The following SDK1 variants were observed in gnomAD, a reference collection of about 807,000 sequenced individuals.
SDK1 encodes sidekick cell adhesion molecule 1, also known as protein sidekick-1.
A neutral mutation model predicts 245.5 loss-of-function variants in SDK1; 157 were observed. That is an observed-to-expected ratio of 0.64 (90% CI 0.56 to 0.73). The LOEUF (loss-of-function observed/expected upper bound fraction) is 0.73, where lower values mean the gene tolerates loss of function less well. Ranked by LOEUF, SDK1 falls within the 30% of genes least tolerant of loss-of-function variation. SDK1 has a pLI of 0.00. For synonymous variants in SDK1, 1,647 were observed against 1,278.5 expected, an observed-to-expected ratio of 1.29 and a Z score of -6.15; for missense variants, 3,583 against 3,002.3, an observed-to-expected ratio of 1.19 and a Z score of -4.52.
chr7:4,194,311 T>C (rs1783425378), intron 35 of SDK1, among the ~76,000 whole-genome samples: 1 of 97,912 alleles, frequency 1.0e-5, no homozygotes, highest in Non-Finnish European at 2.2e-5. Context: ...TATACATGTA[T>C]ACATATATGT....
intron 1 of SDK1, among the ~76,000 whole-genome samples, chr7:3,488,181 G>A (rs892050089): frequency 6.6e-6 from 1 of 151,962 alleles, no homozygotes; most frequent in Non-Finnish European, 1.5e-5. Context: ...TGACTAATTT[G>A]TTTTCTGCCT....
intron 4 of SDK1, among the ~76,000 whole-genome samples, chr7:3,645,564 G>T (rs1247563838): frequency 6.6e-6 from 1 of 152,112 alleles, no homozygotes; most frequent in African/African-American, 2.4e-5. Flanking sequence ...ATGATCACAT[G>T]TACCCTGAAA....
intron 5 of SDK1, among the ~76,000 whole-genome samples, chr7:3,945,598 A>G (rs1780542176): frequency 6.6e-6 from 1 of 152,172 alleles, no homozygotes; most frequent in African/African-American, 2.4e-5. Flanking sequence ...AAGACCAGTT[A>G]GAAGATAAAG....
At chr7:3,479,808 G>T (rs544473214) in intron 1 of SDK1, among the ~76,000 whole-genome samples, 1 of 151,004 alleles carries the variant, frequency 6.6e-6, no homozygotes, top group Admixed American at 6.6e-5. Flanking sequence ...GTTGAAGTGA[G>T]CCAAGATCGT....
At chr7:3,550,491 C>CTGCTCA in intron 1 of SDK1, among the ~76,000 whole-genome samples, 1 of 152,266 alleles carries the variant, frequency 6.6e-6, no homozygotes, top group South Asian at 2.1e-4. Context: ...TCTTCTGGGC[C>CTGCTCA]ACTGCTGGGT....
intron 1 of SDK1, among the ~76,000 whole-genome samples, chr7:3,422,379 C>T (rs777065281): frequency 1.6e-4 from 25 of 152,216 alleles, no homozygotes; most frequent in Non-Finnish European, 2.8e-4. Flanking sequence ...TATATGCAAC[C>T]GATTAACTTG....
intron 1 of SDK1, among the ~76,000 whole-genome samples, chr7:3,566,287 C>T (rs891913080): frequency 4.8e-5 from 7 of 147,344 alleles, no homozygotes; most frequent in Non-Finnish European, 7.4e-5. Flanking sequence ...TGCAGTGGCG[C>T]GATCTTGGCT....
chr7:4,000,584 A>G (rs897275346), intron 14 of SDK1, among the ~76,000 whole-genome samples: 1 of 152,152 alleles, frequency 6.6e-6, no homozygotes, highest in South Asian at 2.1e-4. Context: ...GCCGCTCTCC[A>G]TGAAAGCTGC....
intron 19 of SDK1, among the ~76,000 whole-genome samples, chr7:4,059,955 C>G (rs544004685): frequency 2.0e-5 from 3 of 151,522 alleles, no homozygotes; most frequent in South Asian, 4.2e-4. Flanking sequence ...TCTCGGCTCA[C>G]TGCAAGCTCC....
intron 1 of SDK1, among the ~76,000 whole-genome samples, chr7:3,600,176 G>A (rs1296173088): frequency 1.3e-5 from 2 of 152,084 alleles, no homozygotes; most frequent in African/African-American, 4.8e-5. Flanking sequence ...CATTCTCTTT[G>A]GAGTGATTGT....
Position 3,391,404 on chromosome 7 carries a change from G to A in SDK1, c.298+89520G>A, listed in dbSNP as rs148460510. 3.2e-3 allele frequency among the ~76,000 whole-genome samples: 481 copies of A among 152,180 alleles called. 1 individual carries two copies. Among genetic ancestry groups the A allele is most frequent in the Non-Finnish European group, 5.4e-3 (369 of 68,004 alleles). On this transcript the variant is annotated intron_variant, in intron 1 of 44. Transcript: ENST00000404826. Reference sequence around the variant, plus strand: ...CTTCTAGCATTGCTGGAAGTAAAAGGATGCCTCATCTTAAGGAATAGAGTT... The same window carrying A: ...CTTCTAGCATTGCTGGAAGTAAAAGAATGCCTCATCTTAAGGAATAGAGTT...
intron 31 of SDK1, among the ~76,000 whole-genome samples, chr7:4,160,708 G>A (rs983216969): frequency 3.3e-5 from 5 of 152,186 alleles, no homozygotes; most frequent in African/African-American, 9.7e-5. Flanking sequence ...CCCTGTAATG[G>A]CACCGCTGTA....
At chr7:3,306,108 C>T (rs58338081) in intron 1 of SDK1, among the ~76,000 whole-genome samples, 23,244 of 152,134 alleles carry the variant, frequency 0.15, 2,805 homozygotes, top group African/African-American at 0.33. Flanking sequence ...GCAATCAGAT[C>T]TGTACCAAAG....
At chr7:3,669,798 C>G (rs879359813) in intron 4 of SDK1, among the ~76,000 whole-genome samples, 1 of 152,196 alleles carries the variant, frequency 6.6e-6, no homozygotes, top group Admixed American at 6.5e-5. Context: ...ACAGCCTATT[C>G]ATTGTATTTT....
At chr7:3,586,365 C>G (rs931378412) in intron 1 of SDK1, among the ~76,000 whole-genome samples, 2 of 151,812 alleles carry the variant, frequency 1.3e-5, no homozygotes, top group African/African-American at 4.8e-5. Flanking sequence ...GAATTCACAG[C>G]AAATTGAGGA....
chr7:3,530,421 T>C (rs1279565754), intron 1 of SDK1, among the ~76,000 whole-genome samples: 1 of 152,198 alleles, frequency 6.6e-6, no homozygotes, highest in Non-Finnish European at 1.5e-5. Context: ...CCCAAATTAC[T>C]AAAGGAAAAT....
chr7:4,125,224 T>C (rs1474312761), intron 25 of SDK1, among the ~76,000 whole-genome samples: 1 of 143,188 alleles, frequency 7.0e-6, no homozygotes, highest in African/African-American at 2.6e-5. Context: ...GGTAGATGGA[T>C]AGATGGATGA....
intron 2 of SDK1, among the ~76,000 whole-genome samples, chr7:3,620,183 T>G (rs1297546268): frequency 6.6e-6 from 1 of 152,188 alleles, no homozygotes. Flanking sequence ...CCTCTGAGGT[T>G]GTGATACGGT....
At chr7:3,961,962 C>T (rs1466951951) in intron 8 of SDK1, among the ~76,000 whole-genome samples, 1 of 151,768 alleles carries the variant, frequency 6.6e-6, no homozygotes, top group Non-Finnish European at 1.5e-5. Flanking sequence ...TACGCATACA[C>T]ACATAAACAC....
Sources: allele counts gnomAD v4.1 joint callset (sites outside exome capture counted in the v4.1 genomes callset), GRCh38; gene constraint gnomAD v4.1.1; transcripts MANE v1.5; gene names NCBI Gene and HGNC (gene_info 2026-07-23, HGNC 2026-07-21).